ST6GAL2: variants seen among roughly 807,000 people sequenced by gnomAD.
ST6GAL2 encodes the protein beta-galactoside alpha-2,6-sialyltransferase 2.
In ST6GAL2, 24 loss-of-function variants were observed where a neutral mutation model predicts 37.5. That is an observed-to-expected ratio of 0.64 (90% CI 0.46 to 0.90). The LOEUF (loss-of-function observed/expected upper bound fraction) is 0.90, where lower values mean the gene tolerates loss of function less well. Among genes scored for constraint, ST6GAL2 ranks in the 40% least tolerant of loss-of-function variants. ST6GAL2 has a pLI of 0.00. For missense variants in ST6GAL2, 715 were observed against 712.7 expected (o/e 1.00, Z -0.04); for synonymous variants, 306 against 295.1 (o/e 1.04, Z -0.38).
intron 2 of ST6GAL2, chr2:106,841,134 C>T (rs1676865555): frequency 6.6e-6 from 1 of 152,142 alleles, no homozygotes; most frequent in African/African-American, 2.4e-5. Context: ...GACTCACTGT[C>T]TTGTTTTTTT....
intron 1 of ST6GAL2, among the ~76,000 whole-genome samples, chr2:106,865,603 G>A (rs767681330): frequency 7.9e-5 from 12 of 152,118 alleles, no homozygotes; most frequent in Non-Finnish European, 1.6e-4. Context: ...TCCTTATTAC[G>A]AACATTTATT....
At chr2:106,874,469 C>T (rs940243828) in intron 1 of ST6GAL2, among the ~76,000 whole-genome samples, 6 of 151,996 alleles carry the variant, frequency 3.9e-5, no homozygotes, top group East Asian at 3.9e-4. Flanking sequence ...TGGCAGTGTT[C>T]GGTATGCAAT....
At position 106,868,862 on chromosome 2, in the gene ST6GAL2, GA is replaced by G. The variant is rs1678145437; in HGVS notation, c.-58+17230del. 2.0e-5 allele frequency among the ~76,000 whole-genome samples: 3 copies of G among 150,928 alleles called. No homozygotes were observed. The South Asian group carries it at 6.3e-4, about 32-fold the overall frequency. The stretch of plus-strand genomic sequence containing the variant: ...GAATCACGGAGTGCAATACAAAAAA[GA>G]AAAAGAAAAAAAAACCACTTATGAA... On this transcript the variant is annotated intron_variant, in intron 1 of 5. Transcript: ENST00000409382.
intron 5 of ST6GAL2, among the ~76,000 whole-genome samples, chr2:106,817,308 C>T (rs1675839066): frequency 6.6e-6 from 1 of 152,198 alleles, no homozygotes; most frequent in Non-Finnish European, 1.5e-5. Flanking sequence ...CTGGAAGAGA[C>T]TCCTTCCTTC....
chr2:106,806,541 G>T lies in ST6GAL2; in HGVS notation c.*137C>A. ...CATACTCAATGGCTTAGAAAGAGAA[G>T]GATTATCATGACCACCACTAAATTA... On this transcript the variant is annotated 3_prime_UTR_variant, in exon 6 of 6. Coordinates refer to ENST00000409382, the MANE Select transcript of ST6GAL2 (RefSeq NM_001142351.2). 1 of 964,540 alleles carries T rather than the reference G, an allele frequency of 1.0e-6. No individual in the cohort carries two copies. The highest frequency in any genetic ancestry group is 1.5e-6 in the Non-Finnish European group (1 of 647,290). 59.7% of individuals were successfully genotyped at this position (964,540 alleles called of 1,614,324 possible).
chr2:106,883,474 A>C (rs899638770), intron 1 of ST6GAL2, among the ~76,000 whole-genome samples: 1 of 152,188 alleles, frequency 6.6e-6, no homozygotes, highest in Non-Finnish European at 1.5e-5. Flanking sequence ...AACATTGAAA[A>C]TTTCTGTGCA....
At chr2:106,824,587 G>T (rs1033472762) in intron 5 of ST6GAL2, among the ~76,000 whole-genome samples, 5 of 152,108 alleles carry the variant, frequency 3.3e-5, no homozygotes, top group Admixed American at 1.3e-4. Flanking sequence ...AGCCGAGAAG[G>T]CTCCACTGCA....
intron 2 of ST6GAL2, among the ~76,000 whole-genome samples, chr2:106,837,561 TG>T (rs1333566062): frequency 6.6e-6 from 1 of 152,096 alleles, no homozygotes; most frequent in African/African-American, 2.4e-5. Context: ...TTGCAGACAG[TG>T]AGAGGAGACT....
In ST6GAL2 at chr2:106,843,155, C is replaced by T; in HGVS notation, c.823G>A (p.Gly275Ser). 6.4e-7 allele frequency: 1 copy of T among 1,563,660 alleles called. No homozygotes were observed. Among genetic ancestry groups the T allele is most frequent in the Non-Finnish European group, 8.7e-7 (1 of 1,156,026 alleles). ...ACGGCGGGCACCAGGCGCCGCCAGCCCAGCGCAGAAAAGGGCGCCTCGGTG... is the reference window on the plus strand; with the variant it reads ...ACGGCGGGCACCAGGCGCCGCCAGCTCAGCGCAGAAAAGGGCGCCTCGGTG... ...DGTEAPFSAL[G>S]WRRLVPAVPL... The change falls in exon 2 of 6, where the codon GGC (glycine) becomes AGC (serine). Residue 275 changes from glycine to serine, a missense_variant. Transcript: ENST00000409382.
chr2:106,830,591 G>A (rs903712166), intron 4 of ST6GAL2, among the ~76,000 whole-genome samples: 5 of 152,178 alleles, frequency 3.3e-5, no homozygotes, highest in Non-Finnish European at 5.9e-5. Flanking sequence ...ATCGTAGCAC[G>A]GAAGCAGTCA....
intron 2 of ST6GAL2, among the ~76,000 whole-genome samples, chr2:106,835,831 A>C (rs1431552941): frequency 6.6e-6 from 1 of 152,250 alleles, no homozygotes; most frequent in African/African-American, 2.4e-5. Context: ...GCCAAAATAC[A>C]TGAATGCCTC....
At chr2:106,867,005 A>T (rs1364395957) in intron 1 of ST6GAL2, among the ~76,000 whole-genome samples, 2 of 152,210 alleles carry the variant, frequency 1.3e-5, no homozygotes, top group Non-Finnish European at 2.9e-5. Context: ...TACATTTTTA[A>T]TTTTTCTTTA....
At chr2:106,871,075 T>C (rs1451168186) in intron 1 of ST6GAL2, among the ~76,000 whole-genome samples, 1 of 152,184 alleles carries the variant, frequency 6.6e-6, no homozygotes, top group Non-Finnish European at 1.5e-5. Context: ...ACCTAGGCAA[T>C]GTGGTATGGC....
At chr2:106,818,611 A>G (rs191790787) in intron 5 of ST6GAL2, among the ~76,000 whole-genome samples, 7 of 152,302 alleles carry the variant, frequency 4.6e-5, no homozygotes, top group African/African-American at 1.7e-4. Flanking sequence ...AGCCTTCTCA[A>G]AAAGGTTAGA....
chr2:106,857,123 A>C (rs1677604617), intron 1 of ST6GAL2, among the ~76,000 whole-genome samples: 2 of 152,264 alleles, frequency 1.3e-5, no homozygotes, highest in South Asian at 4.1e-4. Flanking sequence ...ACATTACTTA[A>C]GTTTTATTTT....
At chr2:106,858,987 A>G (rs1677693675) in intron 1 of ST6GAL2, among the ~76,000 whole-genome samples, 1 of 152,194 alleles carries the variant, frequency 6.6e-6, no homozygotes, top group Non-Finnish European at 1.5e-5. Context: ...GGCAGGCAGC[A>G]GATGGCAGCA....
intron 5 of ST6GAL2, among the ~76,000 whole-genome samples, chr2:106,814,406 T>C (rs1317543443): frequency 1.3e-5 from 2 of 152,010 alleles, no homozygotes; most frequent in South Asian, 2.1e-4. Flanking sequence ...TTCTTGTGCA[T>C]CTATAAATTG....
chr2:106,811,635 T>C (rs1000963903), intron 5 of ST6GAL2, among the ~76,000 whole-genome samples: 1 of 152,122 alleles, frequency 6.6e-6, no homozygotes, highest in Non-Finnish European at 1.5e-5. Flanking sequence ...CTAAACGTCA[T>C]ACTGAGAAAA....
rs139941507 is a variant in ST6GAL2, at chr2:106,835,838, C to T, written c.944-1692G>A. On this transcript the variant is annotated intron_variant, in intron 2 of 5. Transcript: ENST00000409382. Reference sequence around the variant, plus strand: ...TAAATGATGCCAAAATACATGAATGCCTCCAAGTTAAAACCAGTTCTTTAC... The same window carrying T: ...TAAATGATGCCAAAATACATGAATGTCTCCAAGTTAAAACCAGTTCTTTAC... Among the ~76,000 whole-genome samples, 303 of 152,292 alleles carry T rather than the reference C, an allele frequency of 2.0e-3. 1 individual carries two copies. Among genetic ancestry groups the T allele is most frequent in the African/African-American group, 7.0e-3 (289 of 41,552 alleles).
Sources: allele counts gnomAD v4.1 joint callset (sites outside exome capture counted in the v4.1 genomes callset), GRCh38; gene constraint gnomAD v4.1.1; transcripts MANE v1.5; gene names NCBI Gene and HGNC (gene_info 2026-07-23, HGNC 2026-07-21).